The following MED23 variants were observed in gnomAD, a reference collection of about 807,000 sequenced individuals.
The protein encoded by MED23 is mediator complex subunit 23.
MED23 carries 105 observed loss-of-function variants against 163.9 expected under a neutral mutation model. The observed-to-expected ratio is 0.64, with a 90% confidence interval of 0.55 to 0.75. The LOEUF (loss-of-function observed/expected upper bound fraction) is 0.75. Ranked by LOEUF, MED23 falls within the 30% of genes least tolerant of loss-of-function variation. The probability of loss-of-function intolerance (pLI) is 0.00; values close to 1 mark genes in which losing one functional copy is unlikely to be tolerated. For synonymous variants in MED23, 561 were observed against 565.6 expected (o/e 0.99, Z 0.12); for missense variants, 1,054 against 1,649.0 (o/e 0.64, Z 6.25).
chr6:131,596,417 GA>G, intron 21 of MED23, 100 bp downstream of exon 21: 1 of 1,347,398 alleles, frequency 7.4e-7, no homozygotes, highest in South Asian at 1.2e-5. Context: ...ATAGACAAGA[GA>G]AAAAACATTA....
rs773003216 is a variant in MED23 at position 131,608,061 on chromosome 6, CG to C, written c.1087del (p.Arg363GlufsTer3). 1 of 1,613,614 alleles carries C rather than the reference CG, an allele frequency of 6.2e-7. No individual in the cohort carries two copies. The highest frequency in any genetic ancestry group is 1.3e-5 in the African/African-American group (1 of 74,904). ...ATGATCTCTGCCTTTAATCAGTCCT[CG>C]CCCTGCTAACTATAAAAGATGTTTA... ...VLSLHQKLAG[R>X]GLIKGRDHLM... is the part of the protein sequence containing the mutation. On this transcript the variant is annotated frameshift_variant, in exon 12 of 29. Transcript: ENST00000368068. LOFTEE classifies it high-confidence loss of function.
At chr6:131,596,949 A>G (rs1156983301) in intron 20 of MED23, among the ~76,000 whole-genome samples, 1 of 152,166 alleles carries the variant, frequency 6.6e-6, no homozygotes, top group Non-Finnish European at 1.5e-5. Flanking sequence ...CTATCACCTA[A>G]GCAGATAAGA....
At position 131,579,217 on chromosome 6, in the gene MED23, G is replaced by C. The variant is rs148619575; in HGVS notation, c.4096-4922C>G. 5.0e-5 allele frequency: 80 copies of C among 1,614,172 alleles called. No homozygotes were observed. The East Asian group carries it at 1.0e-3, about 21-fold the overall frequency. On this transcript the variant is annotated intron_variant, in intron 30 of 30. Coordinates refer to the MED23 transcript ENST00000354577. ...GGTCTGTGGGAAAAGCAAGCGAGCA[G>C]CTGGCTGGCAAGGTGGCAGAAGTCA...
intron 30 of MED23, chr6:131,579,225 G>C: frequency 6.2e-7 from 1 of 1,614,116 alleles, no homozygotes; most frequent in East Asian, 2.2e-5. Context: ...CAGCTGGCTG[G>C]CAAGGTGGCA....
exon 31 of MED23, chr6:131,574,080 G>T: frequency 4.8e-6 from 3 of 626,702 alleles, no homozygotes; most frequent in Admixed American, 5.0e-5. Context: ...TTTCTGCCTG[G>T]GCACACTTAT....
chr6:131,624,925 C>G lies in MED23; in HGVS notation c.224G>C (p.Arg75Thr). The G allele has an allele frequency of 6.2e-7, 1 of 1,613,818 alleles. No homozygotes were observed. The highest frequency in any genetic ancestry group is 8.5e-7 in the Non-Finnish European group (1 of 1,179,900). The change falls in exon 4 of 29, where the codon AGA becomes ACA. Residue 75 changes from arginine (R) to threonine (T), a missense_variant. Arg to Thr is a moderately conservative substitution (Grantham distance 71). Around this residue, in one of 11 missense-constraint regions of MED23, gnomAD observed 227 missense variants for 235.5 expected, o/e 0.96. Transcript: ENST00000368068. ...KFIHGQHSPK[R>T]ISFLYDCLAM... ...TAAGCAGTCATAAAGAAAAGAAATTCTTTTAGGACTATGCTGACCATGAAT... is the reference window on the plus strand; with the variant it reads ...TAAGCAGTCATAAAGAAAAGAAATTGTTTTAGGACTATGCTGACCATGAAT...
At chr6:131,623,205 T>C (rs1777236434) in intron 5 of MED23, 146 bp downstream of exon 5, 3 of 737,774 alleles carry the variant, frequency 4.1e-6, no homozygotes, top group African/African-American at 1.8e-5. Flanking sequence ...TGAGTAACTT[T>C]AAATCTTTTC....
intron 3 of MED23, among the ~76,000 whole-genome samples, chr6:131,625,979 G>A (rs112951374): frequency 6.6e-6 from 1 of 151,578 alleles, no homozygotes; most frequent in African/African-American, 2.4e-5. Flanking sequence ...AAAATGAGCC[G>A]GGCGTGATAG....
chr6:131,574,584 C>T (rs937508213), intron 30 of MED23, among the ~76,000 whole-genome samples: 2 of 152,128 alleles, frequency 1.3e-5, no homozygotes, highest in Non-Finnish European at 2.9e-5. Flanking sequence ...TTCATTGTCT[C>T]ATGATTGTAA....
At chr6:131,620,597 T>A in intron 7 of MED23, 31 bp downstream of exon 7, 1 of 1,532,938 alleles carries the variant, frequency 6.5e-7, no homozygotes, top group South Asian at 1.1e-5. Context: ...CCGAAAATTT[T>A]TATTAAAAAT....
In MED23 at chr6:131,598,422, C is replaced by T. The variant is rs199950054; in HGVS notation, c.2472G>A (p.Arg824=). The T allele has an allele frequency of 6.2e-7, 1 of 1,614,044 alleles. No individual in the cohort carries two copies. Among genetic ancestry groups the T allele is most frequent in the Non-Finnish European group, 8.5e-7 (1 of 1,180,046 alleles). Residue 824 remains arginine, a synonymous_variant, in exon 20 of 29, where the codon AGG becomes AGA. Coordinates refer to ENST00000368068, the MANE Select transcript of MED23 (RefSeq NM_004830.4). The surrounding 1 kb of genome is among the most constrained non-coding windows in gnomAD (Gnocchi z 4.7). The part of the protein sequence containing the change: ...IGARALVAHV[R]TFADFLVYEF... ...CATATACCAGGAAATCTGCAAATGT[C>T]CTCACATGGGCTACCAAGGCCCTGG...
intron 28 of MED23, among the ~76,000 whole-genome samples, chr6:131,588,558 T>G (rs535177662): frequency 6.6e-6 from 1 of 152,234 alleles, no homozygotes; most frequent in Non-Finnish European, 1.5e-5. Context: ...TGTTCTGTGT[T>G]GTAACAAAAG....
chr6:131,627,462 T>C lies in MED23; in HGVS notation c.93A>G (p.Glu31=). The change falls in exon 3 of 29, where the codon GAA becomes GAG. Residue 31 remains glutamate (E), a synonymous_variant. Transcript: ENST00000368068. ...AFPGMFMDTP[E]DEKTKLISCL... Reference sequence around the variant, plus strand: ...AGCTAATTAGTTTTGTTTTCTCATCTTCAGGAGTATCCATAAACATGCTAA... The same window carrying C: ...AGCTAATTAGTTTTGTTTTCTCATCCTCAGGAGTATCCATAAACATGCTAA... 6 of 1,613,776 alleles carry C rather than the reference T, an allele frequency of 3.7e-6. No individual in the cohort carries two copies. Among genetic ancestry groups the C allele is most frequent in the Non-Finnish European group, 3.4e-6 (4 of 1,179,872 alleles).
At chr6:131,589,664 G>T in intron 27 of MED23, 68 bp from the exon 28 acceptor site, 1 of 1,495,746 alleles carries the variant, frequency 6.7e-7, no homozygotes, top group Non-Finnish European at 9.3e-7. Flanking sequence ...TGATGCAGCT[G>T]GGCTCCATTA....
At chr6:131,627,334 A>G in intron 3 of MED23, 62 bp downstream of exon 3, 1 of 1,225,854 alleles carries the variant, frequency 8.2e-7, no homozygotes, top group Non-Finnish European at 1.2e-6. Flanking sequence ...TAAAAGAAAA[A>G]AAAAAAAAAA....
chr6:131,590,540 A>G (rs1178913269), intron 26 of MED23, 98 bp from the exon 27 acceptor site: 3 of 807,566 alleles, frequency 3.7e-6, no homozygotes, highest in African/African-American at 3.5e-5. Flanking sequence ...ATAAAATATA[A>G]TTTTTTAAAG....
chr6:131,624,097 G>C (rs959424995), intron 4 of MED23, among the ~76,000 whole-genome samples: 6 of 152,132 alleles, frequency 3.9e-5, no homozygotes, highest in Non-Finnish European at 8.8e-5. Context: ...ATCACCTTGT[G>C]GTACACTGGA....
intron 17 of MED23, 56 bp from the exon 18 acceptor site, chr6:131,600,218 TAA>T: frequency 3.4e-6 from 5 of 1,477,348 alleles, no homozygotes; most frequent in Non-Finnish European, 3.8e-6. Flanking sequence ...CCACAATTCA[TAA>T]AAGATTATAG....
At chr6:131,579,379 G>A in intron 30 of MED23, 1 of 1,398,774 alleles carries the variant, frequency 7.1e-7, no homozygotes, top group Non-Finnish European at 9.8e-7. Flanking sequence ...AGACAGAAAA[G>A]CATTGACCTA....
Sources: gnomAD v4.1 joint callset for allele counts (sites outside exome capture counted in the v4.1 genomes callset) on GRCh38, gnomAD v4.1.1 for gene constraint, gnomAD v4.1.1 regional missense constraint, Gnocchi (gnomAD v3.1) non-coding constraint, MANE v1.5 for transcripts, NCBI Gene and HGNC (gene_info 2026-07-23, HGNC 2026-07-21) for gene names.